The following PRICKLE1 variants were observed in gnomAD, a reference collection of about 807,000 sequenced individuals.
PRICKLE1 encodes the protein prickle-like protein 1.
Under a neutral mutation model 70.2 loss-of-function variants are expected in PRICKLE1, and 14 were observed. The observed-to-expected ratio is 0.20, with a 90% CI of 0.13 to 0.31. PRICKLE1 has a LOEUF of 0.31. Among genes scored for constraint, PRICKLE1 ranks in the 10% least tolerant of loss-of-function variants. The pLI, the probability that PRICKLE1 is intolerant of heterozygous loss-of-function variation, is 1.00. For synonymous variants in PRICKLE1, 357 were observed against 379.9 expected (o/e 0.94, Z 0.70); for missense variants, 821 against 1,026.2 (o/e 0.80, Z 2.73).
rs1404847741 is a variant in PRICKLE1 at position 42,525,603 on chromosome 12, T to C, written c.-48-53039A>G. On this transcript the variant is annotated intron_variant, in intron 1 of 7. Coordinates refer to ENST00000345127, the MANE Select transcript of PRICKLE1 (RefSeq NM_153026.3). ...CAGCTGGTGGCCACTGCAGAACTGA[T>C]TGACTGGTTGTTGGCAGGGAGAAAT... Among the ~76,000 whole-genome samples the C allele has an allele frequency of 2.6e-5, 4 of 152,148 alleles. 1 individual carries two copies. The highest frequency in any genetic ancestry group is 7.2e-5 in the African/African-American group (3 of 41,424).
rs150646792 is a variant in PRICKLE1, at chr12:42,474,630, G to A, written c.-48-2066C>T. On this transcript the variant is annotated intron_variant, in intron 1 of 7. Coordinates refer to ENST00000345127, the MANE Select transcript of PRICKLE1 (RefSeq NM_153026.3). Reference sequence around the variant, plus strand: ...CTCTGACTCCTCAATAAAAAAGGATGTGTTAATGAGTCAGAAAATGTCTTG... The same window carrying A: ...CTCTGACTCCTCAATAAAAAAGGATATGTTAATGAGTCAGAAAATGTCTTG... 4.6e-5 allele frequency among the ~76,000 whole-genome samples: 7 copies of A among 152,322 alleles called. No individual in the cohort carries two copies. The East Asian group carries it at 1.4e-3, about 29-fold the overall frequency.
intron 1 of PRICKLE1, among the ~76,000 whole-genome samples, chr12:42,519,981 T>C (rs73130454): frequency 0.16 from 23,813 of 152,118 alleles, 1,972 homozygotes; most frequent in Admixed American, 0.24. Context: ...TGGCTTTGAG[T>C]GTTTTAACGG....
intron 1 of PRICKLE1, among the ~76,000 whole-genome samples, chr12:42,516,306 T>A (rs956453746): frequency 6.6e-6 from 1 of 152,086 alleles, no homozygotes; most frequent in Non-Finnish European, 1.5e-5. Context: ...TAAGTTTTTG[T>A]ATTTTTTAGT....
intron 1 of PRICKLE1, among the ~76,000 whole-genome samples, chr12:42,509,856 T>C (rs776364204): frequency 5.3e-5 from 8 of 151,838 alleles, no homozygotes; most frequent in Non-Finnish European, 1.2e-4. Context: ...AGGCGGATCA[T>C]GAGGCCAGGA....
chr12:42,524,368 A>C (rs1187656156), intron 1 of PRICKLE1, among the ~76,000 whole-genome samples: 1 of 152,254 alleles, frequency 6.6e-6, no homozygotes, highest in African/African-American at 2.4e-5. Context: ...CAAAGGACCA[A>C]AATTAAACCA....
At chr12:42,528,041 A>C (rs2074740287) in intron 1 of PRICKLE1, among the ~76,000 whole-genome samples, 2 of 150,226 alleles carry the variant, frequency 1.3e-5, no homozygotes, top group Admixed American at 1.3e-4. Context: ...AACATCATAA[A>C]ATTTACATGG....
intron 1 of PRICKLE1, among the ~76,000 whole-genome samples, chr12:42,534,009 G>A (rs183764903): frequency 2.0e-5 from 3 of 152,190 alleles, no homozygotes; most frequent in Non-Finnish European, 4.4e-5. Context: ...CTGTCAAGTA[G>A]GCCCAGGAAA....
intron 1 of PRICKLE1, among the ~76,000 whole-genome samples, chr12:42,485,669 A>G (rs1318378597): frequency 6.6e-6 from 1 of 152,252 alleles, no homozygotes; most frequent in Non-Finnish European, 1.5e-5. Context: ...TAAAGGGAGT[A>G]TCAGCAGGTG....
Position 42,469,508 on chromosome 12 carries a change from A to C in PRICKLE1, c.326T>G (p.Leu109Arg). 6.2e-7 allele frequency: 1 copy of C among 1,614,172 alleles called. No individual in the cohort carries two copies. The highest frequency in any genetic ancestry group is 1.1e-5 in the South Asian group (1 of 91,078). Residue 109 changes from leucine to arginine, a missense_variant, in exon 4 of 8, where the codon CTG (leucine) becomes CGG (arginine). Transcript: ENST00000345127. The stretch of plus-strand genomic sequence containing the variant: ...CAGAAGCTTAATTGTTCCTCTTCCC[A>C]GTGCTTCTTTCTTCCGCTGAGCACT... The part of the protein sequence containing the change: ...VFSAQRKKEA[L>R]GRGTIKLLSR...
intron 1 of PRICKLE1, among the ~76,000 whole-genome samples, chr12:42,502,007 T>G (rs1279745756): frequency 6.6e-6 from 1 of 152,148 alleles, no homozygotes; most frequent in Non-Finnish European, 1.5e-5. Context: ...GCCATGCTAC[T>G]TCTAGAAGCC....
chr12:42,545,682 C>T (rs865783294), intron 1 of PRICKLE1, among the ~76,000 whole-genome samples: 4 of 151,938 alleles, frequency 2.6e-5, no homozygotes, highest in Non-Finnish European at 5.9e-5. Flanking sequence ...AACTCTATCT[C>T]TACTAAAAAT....
At chr12:42,552,553 T>C (rs755305781) in intron 1 of PRICKLE1, among the ~76,000 whole-genome samples, 1 of 152,212 alleles carries the variant, frequency 6.6e-6, no homozygotes, top group African/African-American at 2.4e-5. Flanking sequence ...ACAGCCAAAG[T>C]CAGAGAATTA....
chr12:42,526,682 G>A lies in PRICKLE1; in HGVS notation c.-48-54118C>T, dbSNP rs11837954. Reference sequence around the variant, plus strand: ...GTGGTACACATTTTAGCACAGTCAGGTCATGAGCAGAATTGCCTTTTGGAA... The same window carrying A: ...GTGGTACACATTTTAGCACAGTCAGATCATGAGCAGAATTGCCTTTTGGAA... On this transcript the variant is annotated intron_variant, in intron 1 of 7. Transcript: ENST00000345127. Among the ~76,000 whole-genome samples the A allele has an allele frequency of 1.7e-3, 257 of 151,354 alleles. 3 individuals carry two copies. Among genetic ancestry groups the A allele is most frequent in the African/African-American group, 6.1e-3 (253 of 41,148 alleles).
chr12:42,470,988 G>A (rs917888803), intron 2 of PRICKLE1, among the ~76,000 whole-genome samples: 3 of 152,046 alleles, frequency 2.0e-5, no homozygotes, highest in African/African-American at 7.2e-5. Context: ...AGTCCTGGGT[G>A]AATCCTGCAA....
At position 42,581,129 on chromosome 12, in the gene PRICKLE1, A is replaced by G. The variant is rs1191905444; in HGVS notation, c.-49+8336T>C. Among the ~76,000 whole-genome samples, 3 of 152,182 alleles carry G rather than the reference A, an allele frequency of 2.0e-5. No individual in the cohort carries two copies. The East Asian group carries it at 5.8e-4, about 29-fold the overall frequency. On this transcript the variant is annotated intron_variant, in intron 1 of 7. Transcript: ENST00000345127. The stretch of plus-strand genomic sequence containing the variant: ...AGCTTGTTCAAGCTAAAAGTGCAAG[A>G]CTGCACTGAAAACCTACTGCATTAA...
chr12:42,584,926 C>T (rs750282088), intron 1 of PRICKLE1, among the ~76,000 whole-genome samples: 8 of 152,082 alleles, frequency 5.3e-5, no homozygotes, highest in South Asian at 2.1e-4. Flanking sequence ...GAGAAGCACA[C>T]GCAAAGCAGA....
intron 1 of PRICKLE1, among the ~76,000 whole-genome samples, chr12:42,529,303 A>C (rs1195245663): frequency 3.3e-5 from 5 of 152,248 alleles, no homozygotes; most frequent in Admixed American, 1.3e-4. Flanking sequence ...TGCAGATGGC[A>C]AAAGTTTAAA....
chr12:42,518,369 T>G (rs1224891315), intron 1 of PRICKLE1, among the ~76,000 whole-genome samples: 1 of 152,248 alleles, frequency 6.6e-6, no homozygotes, highest in Non-Finnish European at 1.5e-5. Context: ...GATAAGACTA[T>G]GATCACTTGT....
chr12:42,465,370 G>T, intron 6 of PRICKLE1, 112 bp from the exon 7 acceptor site: 1 of 951,848 alleles, frequency 1.1e-6, no homozygotes, highest in Non-Finnish European at 1.6e-6. Context: ...GGAGCTGTGT[G>T]GGTGACACAG....
Sources: gnomAD v4.1 joint callset for allele counts (sites outside exome capture counted in the v4.1 genomes callset) on GRCh38, gnomAD v4.1.1 for gene constraint, MANE v1.5 for transcripts, NCBI Gene and HGNC (gene_info 2026-07-23, HGNC 2026-07-21) for gene names.